The following PGS1 variants were observed in gnomAD, a reference collection of about 807,000 sequenced individuals.
The protein encoded by PGS1 is phosphatidylglycerophosphate synthase 1.
A neutral mutation model predicts 58.3 loss-of-function variants in PGS1; 44 were observed. That is an observed-to-expected ratio of 0.75 (90% CI 0.59 to 0.97). PGS1 has a LOEUF of 0.97. Among genes scored for constraint, PGS1 ranks in the 50% least tolerant of loss-of-function variants. The pLI is 0.00. For missense variants in PGS1, 684 were observed against 731.1 expected (o/e 0.94, Z 0.74); for synonymous variants, 330 against 311.0 (o/e 1.06, Z -0.64).
chr17:78,392,784 G>A (rs1213820214), intron 2 of PGS1, 119 bp downstream of exon 2: 2 of 750,788 alleles, frequency 2.7e-6, no homozygotes, highest in Admixed American at 2.8e-5. Context: ...ATTCCTTCTG[G>A]GTTTTACCTG....
chr17:78,398,173 C>T (rs1050554211), intron 3 of PGS1, 79 bp from the exon 4 acceptor site: 46 of 1,024,182 alleles, frequency 4.5e-5, no homozygotes, highest in Middle Eastern at 4.0e-4. Context: ...GGGCACTAGC[C>T]GATGGGGCGA....
intron 7 of PGS1, among the ~76,000 whole-genome samples, chr17:78,410,963 G>C (rs1443770009): frequency 4.6e-5 from 7 of 152,188 alleles, no homozygotes; most frequent in African/African-American, 1.7e-4. Flanking sequence ...TACTTTGATG[G>C]AAAGCAGATA....
intron 6 of PGS1, among the ~76,000 whole-genome samples, chr17:78,401,216 C>T (rs952724172): frequency 6.6e-6 from 1 of 152,140 alleles, no homozygotes; most frequent in Non-Finnish European, 1.5e-5. Context: ...GGGTGACAAA[C>T]TCAGGTCAGG....
At chr17:78,415,831 C>T (rs2085136600) in intron 8 of PGS1, among the ~76,000 whole-genome samples, 1 of 152,196 alleles carries the variant, frequency 6.6e-6, no homozygotes, top group South Asian at 2.1e-4. Context: ...TCGATGGTGC[C>T]TTGGGCTCAT....
At position 78,400,836 on chromosome 17, in the gene PGS1, G is replaced by C. The variant is rs2083599506; in HGVS notation, c.861G>C (p.Gly287=). 1.9e-6 allele frequency: 3 copies of C among 1,608,102 alleles called. No homozygotes were observed. Among genetic ancestry groups the C allele is most frequent in the Non-Finnish European group, 2.6e-6 (3 of 1,176,258 alleles). Residue 287 remains glycine, a synonymous_variant, in exon 6 of 10, where the codon GGG becomes GGC. Transcript: ENST00000262764. This position sits in a 1 kb window ranked among gnomAD's most constrained non-coding sequence, Gnocchi z 4.4. ...ACGACACGGTGCAGGTGGTGGATGG[G>C]ATGGTGCATCCTTACAAAGGTAGGG... ...QGDDTVQVVD[G]MVHPYKGDRA...
At position 78,424,059 on chromosome 17, in the gene PGS1, A is replaced by G; in HGVS notation, c.*11-2A>G. On this transcript the variant is annotated splice_acceptor_variant, in intron 9 of 9. Coordinates refer to ENST00000262764, the MANE Select transcript of PGS1 (RefSeq NM_024419.5). LOFTEE classifies it low-confidence loss of function (3UTR_SPLICE). The stretch of plus-strand genomic sequence containing the variant: ...TGTTCTTGGTCTCCATGCGGTCCAC[A>G]GGAATGGCCTTGATGAAGATGACAG... 2.5e-6 allele frequency: 4 copies of G among 1,614,048 alleles called. No homozygotes were observed. Among genetic ancestry groups the G allele is most frequent in the African/African-American group, 1.3e-5 (1 of 75,062 alleles).
intron 1 of PGS1, among the ~76,000 whole-genome samples, chr17:78,380,183 T>C (rs1226921522): frequency 6.6e-6 from 1 of 152,154 alleles, no homozygotes; most frequent in African/African-American, 2.4e-5. Context: ...GGTTTCTTAA[T>C]TGAGTCTTAC....
At chr17:78,386,791 A>T (rs956297758) in intron 1 of PGS1, among the ~76,000 whole-genome samples, 1 of 152,078 alleles carries the variant, frequency 6.6e-6, no homozygotes, top group Non-Finnish European at 1.5e-5. Flanking sequence ...TTCTGAGCAA[A>T]TTCCCAGGAG....
Position 78,399,452 on chromosome 17 carries a change from C to G in PGS1, c.616C>G (p.Leu206Val), listed in dbSNP as rs1193452718. Reference protein sequence around the residue: ...HTPHLRGLLRLLIPERFNETI... With the variant: ...HTPHLRGLLRVLIPERFNETI... ...GCCGCACCTCCGTGGGCTGCTTCGG[C>G]TCCTCATCCCTGAGCGCTTCAACGA... The change falls in exon 5 of 10, where the codon CTC becomes GTC. Residue 206 changes from leucine to valine, a missense_variant. Physicochemically the swap from Leu to Val is conservative, Grantham distance 32. Transcript: ENST00000262764. 1 of 1,614,198 alleles carries G rather than the reference C, an allele frequency of 6.2e-7. No homozygotes were observed. The highest frequency in any genetic ancestry group is 1.1e-5 in the South Asian group (1 of 91,088).
intron 1 of PGS1, among the ~76,000 whole-genome samples, chr17:78,383,270 G>A (rs937019980): frequency 1.3e-5 from 2 of 150,742 alleles, no homozygotes; most frequent in East Asian, 1.9e-4. Context: ...TTTTTGAGAC[G>A]GAGTTTCACT....
intron 7 of PGS1, among the ~76,000 whole-genome samples, chr17:78,411,580 C>T (rs1472739376): frequency 1.3e-5 from 2 of 152,218 alleles, no homozygotes; most frequent in Non-Finnish European, 2.9e-5. Context: ...CAGTCCCTTC[C>T]CAAAAGCACT....
At chr17:78,386,468 C>T (rs1223085368) in intron 1 of PGS1, among the ~76,000 whole-genome samples, 2 of 152,158 alleles carry the variant, frequency 1.3e-5, no homozygotes, top group African/African-American at 4.8e-5. Flanking sequence ...CTTCCTCCTT[C>T]CCATAACTAG....
chr17:78,422,777 G>T (rs1392797357), intron 9 of PGS1, among the ~76,000 whole-genome samples: 1 of 152,152 alleles, frequency 6.6e-6, no homozygotes, highest in Non-Finnish European at 1.5e-5. Flanking sequence ...AGCTGCTGCA[G>T]CGGCCTGCTT....
rs139898275 is a variant in PGS1, at chr17:78,414,261, C to G, written c.1403-618C>G. On this transcript the variant is annotated intron_variant, in intron 7 of 9. Coordinates refer to ENST00000262764, the MANE Select transcript of PGS1 (RefSeq NM_024419.5). Reference sequence around the variant, plus strand: ...AAGGCAGCCAGCCTTCAAGGCAGACCTGTTCTTACCAGCCACTTTTGCCAC... The same window carrying G: ...AAGGCAGCCAGCCTTCAAGGCAGACGTGTTCTTACCAGCCACTTTTGCCAC... 3.5e-4 allele frequency among the ~76,000 whole-genome samples: 54 copies of G among 152,344 alleles called. No individual in the cohort carries two copies. In the East Asian group the frequency reaches 9.8e-3, roughly 28 times the overall value.
intron 5 of PGS1, 70 bp downstream of exon 5, chr17:78,399,607 A>G: frequency 2.0e-6 from 3 of 1,491,822 alleles, no homozygotes; most frequent in African/African-American, 1.4e-5. Context: ...GAATAGGAAC[A>G]GTGGGAAACC....
intron 7 of PGS1, among the ~76,000 whole-genome samples, chr17:78,409,994 C>G (rs962153345): frequency 6.6e-6 from 1 of 152,040 alleles, no homozygotes; most frequent in Non-Finnish European, 1.5e-5. Context: ...GTCTGTAATC[C>G]CGGCTACTCG....
At chr17:78,399,663 T>G in intron 5 of PGS1, 126 bp downstream of exon 5, 1 of 877,992 alleles carries the variant, frequency 1.1e-6, no homozygotes. Context: ...CTGGCTGCTG[T>G]GCACCCGCGG....
At chr17:78,418,790 G>A (rs556257802) in intron 8 of PGS1, among the ~76,000 whole-genome samples, 2 of 152,260 alleles carry the variant, frequency 1.3e-5, no homozygotes, top group East Asian at 1.9e-4. Flanking sequence ...GCGTTCATCA[G>A]TGTGGGGGAT....
intron 1 of PGS1, among the ~76,000 whole-genome samples, chr17:78,383,087 T>G (rs777092952): frequency 1.3e-4 from 20 of 152,206 alleles, no homozygotes; most frequent in Non-Finnish European, 2.4e-4. Flanking sequence ...AAACTATTTT[T>G]AAGTTTTAGC....
Sources: gnomAD v4.1 joint callset for allele counts (sites outside exome capture counted in the v4.1 genomes callset) on GRCh38, gnomAD v4.1.1 for gene constraint, Gnocchi (gnomAD v3.1) non-coding constraint, MANE v1.5 for transcripts, NCBI Gene and HGNC (gene_info 2026-07-23, HGNC 2026-07-21) for gene names.